CROCC: variants seen among roughly 807,000 people sequenced by gnomAD.
CROCC encodes ciliary rootlet coiled-coil, rootletin, also known as rootletin.
Under a neutral mutation model 245.2 loss-of-function variants are expected in CROCC, and 180 were observed. That is an observed-to-expected ratio of 0.73 (90% CI 0.65 to 0.83). The LOEUF is 0.83. Among genes scored for constraint, CROCC ranks in the 40% least tolerant of loss-of-function variants. The pLI is 0.00. For synonymous variants in CROCC, 1,205 were observed against 1,241.6 expected, an observed-to-expected ratio of 0.97 and a Z score of 0.62; for missense variants, 2,688 against 2,779.4, an observed-to-expected ratio of 0.97 and a Z score of 0.74.
chr1:16,967,270 A>G (rs1035770426), intron 30 of CROCC, among the ~76,000 whole-genome samples: 7 of 152,008 alleles, frequency 4.6e-5, no homozygotes, highest in Non-Finnish European at 7.4e-5. Context: ...GGGGACAGCT[A>G]TGTGTGCCAG....
At chr1:16,952,373 T>C (rs1231613960) in intron 20 of CROCC, among the ~76,000 whole-genome samples, 2 of 151,780 alleles carry the variant, frequency 1.3e-5, no homozygotes, top group Non-Finnish European at 2.9e-5. Flanking sequence ...TAGTCCCAGA[T>C]ACTTGGGAGG....
intron 13 of CROCC, chr1:16,940,772 G>A (rs759513222): frequency 2.5e-4 from 67 of 271,152 alleles, no homozygotes; most frequent in South Asian, 2.1e-3. Flanking sequence ...TGTTTCCCAG[G>A]CTGGGGCACA....
At chr1:16,927,143 C>T (rs2075552406) in intron 3 of CROCC, among the ~76,000 whole-genome samples, 1 of 152,240 alleles carries the variant, frequency 6.6e-6, no homozygotes, top group Non-Finnish European at 1.5e-5. Flanking sequence ...CCACAAACAA[C>T]ATAGTGAGAC....
intron 13 of CROCC, among the ~76,000 whole-genome samples, chr1:16,943,080 TA>T (rs1379540376): frequency 2.0e-5 from 3 of 151,860 alleles, no homozygotes; most frequent in African/African-American, 7.3e-5. Flanking sequence ...CTGTCTCTAC[TA>T]AAAATACAAA....
chr1:16,926,781 C>T (rs1236626315), intron 3 of CROCC, among the ~76,000 whole-genome samples: 1 of 152,278 alleles, frequency 6.6e-6, no homozygotes, highest in Non-Finnish European at 1.5e-5. Context: ...CCCTCGTGTC[C>T]ATAGCAACCT....
rs74058349 is a variant in CROCC, at chr1:16,972,632, C to T, written c.*186C>T. ...CAGGCCTGGAGAGGCTTCCCAGCAA[C>T]ACCTGCAGTCCAGCCCCCCTCTTCT... On this transcript the variant is annotated 3_prime_UTR_variant, in exon 37 of 37. Coordinates refer to ENST00000375541, the MANE Select transcript of CROCC (RefSeq NM_014675.5). The T allele has an allele frequency of 0.014, 7,559 of 530,930 alleles. 477 individuals are homozygous for T. The highest frequency in any genetic ancestry group is 0.13 in the African/African-American group (6,532 of 50,472). The allele number at this position is 530,930 out of a possible 1,614,324, so 32.9% of individuals were successfully genotyped here. A position where few individuals can be genotyped will look rare whatever the true frequency, so the allele number is the denominator to read the frequency against.
chr1:16,956,259 G>A, intron 25 of CROCC, 103 bp downstream of exon 25: 1 of 1,252,858 alleles, frequency 8.0e-7, no homozygotes, highest in Non-Finnish European at 1.1e-6. Context: ...TAAAACCAGG[G>A]GCTTGAACTA....
In CROCC at chr1:16,966,613, T is replaced by G; in HGVS notation, c.4860+42T>G. 1 of 1,442,622 alleles carries G rather than the reference T, an allele frequency of 6.9e-7. No homozygotes were observed. The highest frequency in any genetic ancestry group is 9.1e-7 in the Non-Finnish European group (1 of 1,100,324). 89.4% of individuals were successfully genotyped at this position (1,442,622 alleles called of 1,614,324 possible). A position where few individuals can be genotyped will look rare whatever the true frequency, so the allele number is the denominator to read the frequency against. On this transcript the variant is annotated intron_variant, in intron 30 of 36. Coordinates refer to ENST00000375541, the MANE Select transcript of CROCC (RefSeq NM_014675.5). The surrounding 1 kb of genome is among the most constrained non-coding windows in gnomAD (Gnocchi z 4.8). ...GGCCAGCGGGGCGACGGGGAATCTG[T>G]GTACCCGAGTGAGTGTCTAACTCTT... is the stretch of plus-strand genomic sequence containing the variant.
At chr1:16,942,469 T>C (rs1175728313) in intron 13 of CROCC, among the ~76,000 whole-genome samples, 1 of 152,290 alleles carries the variant, frequency 6.6e-6, no homozygotes, top group Non-Finnish European at 1.5e-5. Flanking sequence ...TCCTAATTCA[T>C]TTAGGGCACT....
Position 16,930,345 on chromosome 1 carries a change from G to C in CROCC, c.681G>C (p.Gln227His), listed in dbSNP as rs530305308. Residue 227 changes from glutamine (Q) to histidine (H), a missense_variant and splice_region_variant, in exon 6 of 37, where the codon CAG (glutamine) becomes CAC (histidine). Physicochemically the swap from Gln to His is conservative, Grantham distance 24. Coordinates refer to ENST00000375541, the MANE Select transcript of CROCC (RefSeq NM_014675.5). ...SALIRLEEEQ[Q>H]RSASLAQVNA... ...TCATCCGGCTGGAGGAGGAGCAGCAGAGGTGAGGGCGCAGCAGGGAGGGCC... is the reference window on the plus strand; with the variant it reads ...TCATCCGGCTGGAGGAGGAGCAGCACAGGTGAGGGCGCAGCAGGGAGGGCC... 6 of 1,610,702 alleles carry C rather than the reference G, an allele frequency of 3.7e-6. No homozygotes were observed. In the East Asian group the frequency reaches 8.9e-5, roughly 24 times the overall value.
rs1456595610 is a variant in CROCC, at chr1:16,956,117, G to T, written c.3825G>T (p.Arg1275=). Residue 1275 remains arginine, a synonymous_variant, in exon 25 of 37, where the codon CGG becomes CGT. Transcript: ENST00000375541. ...GGCTGCAGGAGGTGGAGCGCTCACG[G>T]CTGGAGGCTCGGCGGGAGCTGCAGG... is the stretch of plus-strand genomic sequence containing the variant. ...RTGLQEVERS[R]LEARRELQEL... 4 of 1,548,838 alleles carry T rather than the reference G, an allele frequency of 2.6e-6. No homozygotes were observed. The highest frequency in any genetic ancestry group is 3.5e-6 in the Non-Finnish European group (4 of 1,145,722).
intron 19 of CROCC, among the ~76,000 whole-genome samples, chr1:16,949,185 G>A (rs546065323): frequency 1.6e-4 from 25 of 152,404 alleles, no homozygotes; most frequent in African/African-American, 5.5e-4. Context: ...TGGGAAAAGC[G>A]TGTAAGGCCG....
chr1:16,918,731 G>GTTTTTTTTTTT (rs1322555949), upstream of CROCC, among the ~76,000 whole-genome samples: 1 of 78,070 alleles, frequency 1.3e-5, no homozygotes, highest in African/African-American at 4.5e-5. Context: ...GGCCGGTTTA[G>GTTTTTTTTTTT]TTTTTTGTTT....
chr1:16,935,646 G>A (rs565329335), intron 8 of CROCC, among the ~76,000 whole-genome samples: 19 of 152,340 alleles, frequency 1.2e-4, no homozygotes, highest in Admixed American at 4.6e-4. Context: ...GGATGGTCTC[G>A]ATCTCCCGAC....
At chr1:16,940,123 T>C (rs1222577409) in intron 13 of CROCC, 30 bp downstream of exon 13, 2 of 1,568,496 alleles carry the variant, frequency 1.3e-6, no homozygotes, top group African/African-American at 1.4e-5. Context: ...TGGGGGGTAC[T>C]GAAGAATAAG....
intron 8 of CROCC, among the ~76,000 whole-genome samples, chr1:16,932,171 C>T (rs1229980528): frequency 3.9e-5 from 6 of 152,344 alleles, no homozygotes; most frequent in African/African-American, 1.2e-4. Flanking sequence ...AGGCTGGGCA[C>T]GGTGGCTCAC....
chr1:16,914,180 C>T (rs2075280118), intron 1 of CROCC, among the ~76,000 whole-genome samples: 1 of 151,648 alleles, frequency 6.6e-6, no homozygotes, highest in African/African-American at 2.4e-5. Context: ...GCGGGACGGA[C>T]GCGCTCCCGG....
chr1:16,930,703 C>T, intron 7 of CROCC, 109 bp downstream of exon 7: 2 of 1,323,484 alleles, frequency 1.5e-6, no homozygotes, highest in South Asian at 1.4e-5. Flanking sequence ...TCCAAGGGAG[C>T]CTGTTAGCAG....
intron 14 of CROCC, among the ~76,000 whole-genome samples, 159 bp downstream of exon 14, chr1:16,944,441 CTG>C (rs1371119293): frequency 3.3e-5 from 5 of 152,284 alleles, no homozygotes; most frequent in Non-Finnish European, 2.9e-5. Context: ...TTTCAGGAAA[CTG>C]GGGCTCAGGG....
Sources: gnomAD v4.1 joint callset for allele counts (sites outside exome capture counted in the v4.1 genomes callset) on GRCh38, gnomAD v4.1.1 for gene constraint, Gnocchi (gnomAD v3.1) non-coding constraint, MANE v1.5 for transcripts, NCBI Gene and HGNC (gene_info 2026-07-23, HGNC 2026-07-21) for gene names.